ARHGAP15: variants seen among roughly 807,000 people sequenced by gnomAD.
ARHGAP15 encodes the protein rho GTPase-activating protein 15.
In ARHGAP15, 51 loss-of-function variants were observed where a neutral mutation model predicts 63.7. That is an observed-to-expected ratio of 0.80 (90% confidence interval 0.64 to 1.01). The LOEUF is 1.01. Ranked by LOEUF, ARHGAP15 falls within the 50% of genes least tolerant of loss-of-function variation. The pLI, the probability that ARHGAP15 is intolerant of heterozygous loss-of-function variation, is 0.00. For missense variants in ARHGAP15, 560 were observed against 564.6 expected, an observed-to-expected ratio of 0.99 and a Z score of 0.08; for synonymous variants, 191 against 193.8, an observed-to-expected ratio of 0.99 and a Z score of 0.12.
chr2:143,265,050 T>C lies in ARHGAP15; in HGVS notation c.474+14450T>C, dbSNP rs1005125973. Among the ~76,000 whole-genome samples the C allele has an allele frequency of 7.2e-5, 11 of 152,264 alleles. No individual in the cohort carries two copies. The East Asian group carries it at 7.7e-4, about 11-fold the overall frequency. On this transcript the variant is annotated intron_variant, in intron 6 of 13. Transcript: ENST00000295095. The stretch of plus-strand genomic sequence containing the variant: ...ATCATACCAGAGTCTTAGAATCACA[T>C]TGGGCTTTCACCCAAAGTTTTTGCA...
chr2:143,393,786 T>G (rs2104975918), intron 6 of ARHGAP15, among the ~76,000 whole-genome samples: 1 of 150,978 alleles, frequency 6.6e-6, no homozygotes, highest in East Asian at 1.9e-4. Context: ...TTAAGGTGTC[T>G]TTCACAGGAC....
At chr2:143,241,014 CTG>C (rs1693841645) in intron 5 of ARHGAP15, among the ~76,000 whole-genome samples, 1 of 152,098 alleles carries the variant, frequency 6.6e-6, no homozygotes, top group South Asian at 2.1e-4. Context: ...TCTCAGAAAA[CTG>C]TTTTAATTAT....
chr2:143,155,420 A>G, intron 1 of ARHGAP15, 57 bp from the exon 2 acceptor site: 1 of 1,430,040 alleles, frequency 7.0e-7, no homozygotes. Context: ...CTCCATCAAG[A>G]GTTTTCATGG....
intron 6 of ARHGAP15, among the ~76,000 whole-genome samples, chr2:143,380,735 G>A (rs1466264677): frequency 6.6e-6 from 1 of 152,058 alleles, no homozygotes; most frequent in Admixed American, 6.6e-5. Context: ...TTCCATCTCT[G>A]AACCCTAGGA....
At position 143,703,424 on chromosome 2, in the gene ARHGAP15, C is replaced by T; in HGVS notation, c.1144C>T (p.Gln382Ter). 1 of 1,600,216 alleles carries T rather than the reference C, an allele frequency of 6.2e-7. No individual in the cohort carries two copies. Residue 382 changes from glutamine to a stop codon, truncating the protein, a stop_gained, in exon 13 of 14, where the codon CAA (glutamine) becomes TAA (stop). Coordinates refer to ENST00000295095, the MANE Select transcript of ARHGAP15 (RefSeq NM_018460.4). LOFTEE classifies it high-confidence loss of function. The stretch of plus-strand genomic sequence containing the variant: ...CTTTTTATTTTTTTTTCCAGAAAAG[C>T]AAGACAACAACACAAGAATTGAAGC... ...FEQFVEAIKK[Q>*]DNNTRIEAVK...
chr2:143,340,850 T>C (rs1685026694), intron 6 of ARHGAP15, among the ~76,000 whole-genome samples: 2 of 152,216 alleles, frequency 1.3e-5, no homozygotes, highest in South Asian at 4.1e-4. Flanking sequence ...TCTTTTTCTG[T>C]TTTTCTGACC....
At chr2:143,626,613 T>G (rs1165553133) in intron 12 of ARHGAP15, among the ~76,000 whole-genome samples, 1 of 152,104 alleles carries the variant, frequency 6.6e-6, no homozygotes, top group Non-Finnish European at 1.5e-5. Flanking sequence ...ATTTGTCCCC[T>G]CCCATGTTCT....
At chr2:143,235,727 C>T (rs1471228508) in intron 5 of ARHGAP15, among the ~76,000 whole-genome samples, 1 of 152,170 alleles carries the variant, frequency 6.6e-6, no homozygotes, top group Non-Finnish European at 1.5e-5. Flanking sequence ...AAACTTTTTC[C>T]TCAAAAGCAC....
intron 2 of ARHGAP15, among the ~76,000 whole-genome samples, chr2:143,190,758 C>T (rs1253716024): frequency 2.0e-5 from 3 of 152,158 alleles, no homozygotes; most frequent in Non-Finnish European, 2.9e-5. Flanking sequence ...TATTCTGTAG[C>T]GAAAGGCAAA....
intron 5 of ARHGAP15, among the ~76,000 whole-genome samples, chr2:143,243,178 G>C (rs1271809225): frequency 6.6e-6 from 1 of 152,060 alleles, no homozygotes; most frequent in African/African-American, 2.4e-5. Context: ...TACATTAAAA[G>C]ACTATGGACC....
chr2:143,674,935 T>C (rs563834534), intron 12 of ARHGAP15, among the ~76,000 whole-genome samples: 2 of 152,136 alleles, frequency 1.3e-5, no homozygotes, highest in Non-Finnish European at 2.9e-5. Flanking sequence ...AGACAACAAA[T>C]AGATTTGCCA....
chr2:143,339,228 G>A (rs556485965), intron 6 of ARHGAP15, among the ~76,000 whole-genome samples: 245 of 152,182 alleles, frequency 1.6e-3, no homozygotes, highest in Non-Finnish European at 2.6e-3. Flanking sequence ...GACTGAACTA[G>A]GATGTGTGAC....
At chr2:143,523,624 C>G (rs1694147655) in intron 10 of ARHGAP15, among the ~76,000 whole-genome samples, 1 of 152,024 alleles carries the variant, frequency 6.6e-6, no homozygotes, top group Admixed American at 6.6e-5. Flanking sequence ...GAGCATATTT[C>G]TACCCTAAAG....
chr2:143,250,597 T>C lies in ARHGAP15; in HGVS notation c.471T>C (p.Phe157=). Residue 157 remains phenylalanine, a synonymous_variant, in exon 6 of 14, where the codon TTT becomes TTC. Transcript: ENST00000295095. ...AKEKSSRKNV[F]QITTVSGNEF... is the part of the protein sequence containing the mutation. ...AAAAATCGAGCAGAAAGAATGTCTT[T>C]CAGGTAAGAATGTTACATATATTCA... is the stretch of plus-strand genomic sequence containing the variant. 1 of 1,611,548 alleles carries C rather than the reference T, an allele frequency of 6.2e-7. No homozygotes were observed. The highest frequency in any genetic ancestry group is 1.1e-5 in the South Asian group (1 of 91,018).
At chr2:143,592,338 G>A (rs1697353348) in intron 11 of ARHGAP15, among the ~76,000 whole-genome samples, 1 of 152,146 alleles carries the variant, frequency 6.6e-6, no homozygotes, top group Non-Finnish European at 1.5e-5. Flanking sequence ...AACTGAAATG[G>A]GAGAATTGAA....
intron 10 of ARHGAP15, among the ~76,000 whole-genome samples, chr2:143,545,731 C>T (rs1414746510): frequency 5.9e-5 from 9 of 151,646 alleles, no homozygotes; most frequent in South Asian, 2.1e-4. Context: ...GTATATAATT[C>T]GCTACATCAC....
intron 8 of ARHGAP15, among the ~76,000 whole-genome samples, chr2:143,439,672 A>C (rs1291367911): frequency 6.6e-6 from 1 of 151,962 alleles, no homozygotes; most frequent in Admixed American, 6.6e-5. Context: ...TAGAGGAGAA[A>C]ACTGAGGCAT....
chr2:143,635,613 A>G (rs1257430104), intron 12 of ARHGAP15, among the ~76,000 whole-genome samples: 1 of 152,056 alleles, frequency 6.6e-6, no homozygotes, highest in Non-Finnish European at 1.5e-5. Flanking sequence ...AGTACTATAA[A>G]TTTCCTGGGG....
intron 8 of ARHGAP15, among the ~76,000 whole-genome samples, chr2:143,473,748 C>T (rs895038491): frequency 6.6e-6 from 1 of 152,098 alleles, no homozygotes; most frequent in Admixed American, 6.6e-5. Flanking sequence ...TTGCTAAGTG[C>T]ATTTTCCTTT....
Sources: allele counts gnomAD v4.1 joint callset (sites outside exome capture counted in the v4.1 genomes callset), GRCh38; gene constraint gnomAD v4.1.1; transcripts MANE v1.5; gene names NCBI Gene and HGNC (gene_info 2026-07-23, HGNC 2026-07-21).